The following CNRIP1 variants were observed in gnomAD, a reference collection of about 807,000 sequenced individuals.
CNRIP1 encodes CB1 cannabinoid receptor-interacting protein 1.
In CNRIP1, 10 loss-of-function variants were observed where a neutral mutation model predicts 15.2. The ratio of observed to expected loss-of-function variants is 0.66; its 90% confidence interval spans 0.41 to 1.12. The LOEUF (loss-of-function observed/expected upper bound fraction) is 1.12, where lower values mean the gene tolerates loss of function less well. CNRIP1 is among the 50% of genes most tolerant of loss of function. The probability of loss-of-function intolerance (pLI) is 0.00; values close to 1 mark genes in which losing one functional copy is unlikely to be tolerated. For synonymous variants in CNRIP1, 91 were observed against 83.2 expected (o/e 1.09, Z -0.51); for missense variants, 211 against 214.7 (o/e 0.98, Z 0.11).
intron 2 of CNRIP1, among the ~76,000 whole-genome samples, chr2:68,313,191 A>G (rs1482573671): frequency 1.3e-5 from 2 of 152,146 alleles, no homozygotes; most frequent in Admixed American, 6.5e-5. Context: ...TCCAAATTAA[A>G]AAGACATACA....
downstream of CNRIP1, among the ~76,000 whole-genome samples, chr2:68,292,449 A>G (rs1671198524): frequency 6.6e-6 from 1 of 152,170 alleles, no homozygotes; most frequent in Admixed American, 6.5e-5. Flanking sequence ...AGTAGCTTGC[A>G]TTTTCTTATA....
chr2:68,310,956 T>C (rs926736757), intron 2 of CNRIP1, among the ~76,000 whole-genome samples: 1 of 151,956 alleles, frequency 6.6e-6, no homozygotes, highest in African/African-American at 2.4e-5. Flanking sequence ...GAAGAATCAG[T>C]GAACTTAAGG....
At chr2:68,317,554 A>G (rs1672321734) in intron 1 of CNRIP1, among the ~76,000 whole-genome samples, 1 of 152,198 alleles carries the variant, frequency 6.6e-6, no homozygotes, top group Non-Finnish European at 1.5e-5. Context: ...TGGTACATTT[A>G]TTTTAAGGTT....
chr2:68,312,588 G>A (rs1672134487), intron 2 of CNRIP1, among the ~76,000 whole-genome samples: 2 of 152,118 alleles, frequency 1.3e-5, no homozygotes, highest in African/African-American at 2.4e-5. Flanking sequence ...CTATTTAGCA[G>A]CATACTGCGA....
intron 2 of CNRIP1, among the ~76,000 whole-genome samples, chr2:68,295,392 G>A (rs1156496163): frequency 1.3e-5 from 2 of 152,196 alleles, no homozygotes; most frequent in Non-Finnish European, 2.9e-5. Context: ...AGAGTCCACA[G>A]ACCTCCCAGG....
At chr2:68,312,460 C>T (rs7586748) in intron 2 of CNRIP1, among the ~76,000 whole-genome samples, 117,013 of 152,066 alleles carry the variant, frequency 0.77, 45,804 homozygotes, top group African/African-American at 0.92. Context: ...GAAGAGAACT[C>T]CTTTAACCTG....
At chr2:68,295,643 C>T (rs1184091140) in intron 2 of CNRIP1, among the ~76,000 whole-genome samples, 1 of 152,144 alleles carries the variant, frequency 6.6e-6, no homozygotes, top group Non-Finnish European at 1.5e-5. Context: ...ATCTAGGCCC[C>T]CAAAGTACAT....
rs187430588 is a variant in CNRIP1 at position 68,318,153 on chromosome 2, G to C, written c.180-846C>G. On this transcript the variant is annotated intron_variant, in intron 1 of 2. Transcript: ENST00000263655. The stretch of plus-strand genomic sequence containing the variant: ...GAATAAAGGGTGCATGGAGCTGTGG[G>C]GGATGCTGACAAATAGATGAATCAG... Among the ~76,000 whole-genome samples the C allele has an allele frequency of 4.2e-3, 634 of 152,154 alleles. 5 individuals carry two copies. The highest frequency in any genetic ancestry group is 0.015 in the African/African-American group (610 of 41,502).
At chr2:68,297,055 C>A (rs965694801) in intron 2 of CNRIP1, among the ~76,000 whole-genome samples, 1 of 152,188 alleles carries the variant, frequency 6.6e-6, no homozygotes, top group African/African-American at 2.4e-5. Flanking sequence ...GCATGAACCA[C>A]TGCACCTAGC....
chr2:68,301,852 A>C (rs182566279), intron 2 of CNRIP1, among the ~76,000 whole-genome samples: 1 of 138,294 alleles, frequency 7.2e-6, no homozygotes, highest in Non-Finnish European at 1.5e-5. Context: ...AGTTTGCGCC[A>C]CTGCACTCCA....
chr2:68,294,139 C>G, intron 2 of CNRIP1, 113 bp from the exon 3 acceptor site: 1 of 1,134,628 alleles, frequency 8.8e-7, no homozygotes, highest in Non-Finnish European at 1.3e-6. Flanking sequence ...AGTCCAGATT[C>G]TCTTGGTCTG....
rs1281707388 is a variant in CNRIP1 at position 68,317,305 on chromosome 2, T to A, written c.182A>T (p.Asn61Ile). The A allele has an allele frequency of 6.2e-7, 1 of 1,613,714 alleles. No homozygotes were observed. Among genetic ancestry groups the A allele is most frequent in the African/African-American group, 1.3e-5 (1 of 74,922 alleles). The change falls in exon 2 of 3, where the codon AAT (asparagine) becomes ATT (isoleucine). Residue 61 changes from asparagine to isoleucine, a missense_variant and splice_region_variant. By Grantham distance (149) the Asn-to-Ile change is moderately radical. Transcript: ENST00000263655. ...KIKPSTLQVE[N>I]ISIGGVLVPL... ...GACAAGCACACCACCAATGGAAATA[T>A]TCCTGCAATAGACTTGAGTTGACCA...
intron 2 of CNRIP1, among the ~76,000 whole-genome samples, chr2:68,284,809 T>TAAA (rs1670986837): frequency 1.1e-5 from 1 of 90,370 alleles, no homozygotes; most frequent in African/African-American, 6.2e-5. Flanking sequence ...AGACTCTGTC[T>TAAA]CAAAAAAAAA....
At chr2:68,315,381 G>C (rs72904270) in intron 2 of CNRIP1, among the ~76,000 whole-genome samples, 4 of 152,092 alleles carry the variant, frequency 2.6e-5, no homozygotes, top group African/African-American at 9.7e-5. Flanking sequence ...AAATTGCCTA[G>C]CTTTTCTGGA....
At chr2:68,289,253 G>A (rs528944512), downstream of CNRIP1, among the ~76,000 whole-genome samples, 8 of 152,162 alleles carry the variant, frequency 5.3e-5, no homozygotes, top group African/African-American at 1.7e-4. Flanking sequence ...TAAGATGGCT[G>A]TTTGTGGAAA....
downstream of CNRIP1, among the ~76,000 whole-genome samples, chr2:68,289,128 C>A (rs1288659721): frequency 6.6e-6 from 1 of 152,076 alleles, no homozygotes; most frequent in Non-Finnish European, 1.5e-5. Flanking sequence ...AAAGAAATAA[C>A]AAAAGAAATT....
chr2:68,297,394 C>T (rs1671410450), intron 2 of CNRIP1, among the ~76,000 whole-genome samples: 1 of 151,830 alleles, frequency 6.6e-6, no homozygotes, highest in African/African-American at 2.4e-5. Context: ...TGGTGAAACC[C>T]TGTCACTACA....
At chr2:68,294,093 A>G in intron 2 of CNRIP1, 67 bp from the exon 3 acceptor site, 2 of 1,488,256 alleles carry the variant, frequency 1.3e-6, no homozygotes, top group Non-Finnish European at 1.9e-6. Context: ...GAGAGCTAAC[A>G]TTAGTGATGT....
intron 1 of CNRIP1, 144 bp from the exon 2 acceptor site, chr2:68,317,451 G>C (rs1672318903): frequency 1.3e-6 from 1 of 779,418 alleles, no homozygotes; most frequent in African/African-American, 1.7e-5. Context: ...GCAAGTTCAG[G>C]GGGCAGTGCT....
Sources: allele counts gnomAD v4.1 joint callset (sites outside exome capture counted in the v4.1 genomes callset), GRCh38; gene constraint gnomAD v4.1.1; transcripts MANE v1.5; gene names NCBI Gene and HGNC (gene_info 2026-07-23, HGNC 2026-07-21).